The following ATP8A2 variants were observed in gnomAD, a reference collection of about 807,000 sequenced individuals.
ATP8A2 encodes the protein phospholipid-transporting ATPase IB.
In ATP8A2, 100 loss-of-function variants were observed where a neutral mutation model predicts 165.6. The observed-to-expected ratio is 0.60, with a 90% confidence interval of 0.51 to 0.71. The LOEUF (loss-of-function observed/expected upper bound fraction) is 0.71, where lower values mean the gene tolerates loss of function less well. ATP8A2 is among the 30% of genes least tolerant of loss of function. The probability of loss-of-function intolerance (pLI) is 0.00; values close to 1 mark genes in which losing one functional copy is unlikely to be tolerated. For missense variants in ATP8A2, 1,227 were observed against 1,479.5 expected (o/e 0.83, Z 2.80); for synonymous variants, 543 against 548.8 (o/e 0.99, Z 0.15).
intron 24 of ATP8A2, among the ~76,000 whole-genome samples, chr13:25,659,268 A>G (rs1347955367): frequency 2.0e-5 from 3 of 152,224 alleles, no homozygotes; most frequent in African/African-American, 7.2e-5. Context: ...TGTGCTGATT[A>G]TGATCATAGC....
At chr13:25,531,133 G>GTATATATA (rs1239495637) in intron 4 of ATP8A2, among the ~76,000 whole-genome samples, 1 of 74,726 alleles carries the variant, frequency 1.3e-5, no homozygotes, top group Non-Finnish European at 2.9e-5. Flanking sequence ...ATTTGTGTGT[G>GTATATATA]TGTGTATATA....
At chr13:25,809,156 G>A (rs1950807047) in intron 27 of ATP8A2, among the ~76,000 whole-genome samples, 1 of 152,102 alleles carries the variant, frequency 6.6e-6, no homozygotes, top group African/African-American at 2.4e-5. Flanking sequence ...CTTCAAAGAT[G>A]GGAACAACAG....
In ATP8A2 at chr13:25,372,394, C is replaced by T; in HGVS notation, c.76+106C>T. On this transcript the variant is annotated intron_variant, in intron 1 of 36. Transcript: ENST00000381655. This position sits in a 1 kb window ranked among gnomAD's most constrained non-coding sequence, Gnocchi z 4.8. Reference sequence around the variant, plus strand: ...GCCCCGCCCGCGCCCCGCTCCCCTCCCTGGGCTCCCTGGGCTCTCTGGGCT... The same window carrying T: ...GCCCCGCCCGCGCCCCGCTCCCCTCTCTGGGCTCCCTGGGCTCTCTGGGCT... 2.8e-6 allele frequency: 2 copies of T among 727,086 alleles called. No homozygotes were observed. The highest frequency in any genetic ancestry group is 3.8e-6 in the Non-Finnish European group (2 of 520,362). 45.0% of individuals were successfully genotyped at this position (727,086 alleles called of 1,614,324 possible).
intron 25 of ATP8A2, among the ~76,000 whole-genome samples, chr13:25,756,317 CT>C (rs2044260334): frequency 7.1e-6 from 1 of 140,202 alleles, no homozygotes; most frequent in African/African-American, 2.6e-5. Context: ...GATTAGGTAA[CT>C]GTTGGATTCT....
chr13:25,485,427 C>T (rs1278908434), intron 2 of ATP8A2, among the ~76,000 whole-genome samples: 6 of 152,244 alleles, frequency 3.9e-5, no homozygotes, highest in Non-Finnish European at 8.8e-5. Flanking sequence ...TCTTTTCATA[C>T]TTTTACCAAC....
intron 34 of ATP8A2, among the ~76,000 whole-genome samples, chr13:25,961,935 G>A (rs1955669764): frequency 6.6e-6 from 1 of 152,204 alleles, no homozygotes; most frequent in Non-Finnish European, 1.5e-5. Context: ...AAGGTGGGAA[G>A]ATCACTCGAG....
At chr13:25,427,363 C>T (rs2138129507) in intron 1 of ATP8A2, among the ~76,000 whole-genome samples, 1 of 152,032 alleles carries the variant, frequency 6.6e-6, no homozygotes. Flanking sequence ...TCAAGGCTCC[C>T]ACTGATTCTA....
At chr13:25,571,912 A>G in intron 18 of ATP8A2, 1 of 553,810 alleles carries the variant, frequency 1.8e-6, no homozygotes, top group Non-Finnish European at 3.3e-6. Flanking sequence ...CATGTCTTTC[A>G]TACACTGATG....
intron 2 of ATP8A2, among the ~76,000 whole-genome samples, chr13:25,510,943 A>G (rs1166196576): frequency 6.6e-6 from 1 of 152,206 alleles, no homozygotes; most frequent in African/African-American, 2.4e-5. Context: ...GAAAATCAAT[A>G]ATCTCCTGCC....
At chr13:25,720,583 C>T (rs970079742) in intron 25 of ATP8A2, among the ~76,000 whole-genome samples, 1 of 152,168 alleles carries the variant, frequency 6.6e-6, no homozygotes, top group Non-Finnish European at 1.5e-5. Context: ...CTCAGGTCGT[C>T]CACTCATCTC....
chr13:25,839,649 T>C, intron 30 of ATP8A2, 25 bp downstream of exon 30: 1 of 1,598,574 alleles, frequency 6.3e-7, no homozygotes, highest in South Asian at 1.1e-5. Context: ...ATTTCACCTG[T>C]CAGCAAGGAG....
chr13:25,564,213 T>A (rs555236843), intron 16 of ATP8A2, among the ~76,000 whole-genome samples, 182 bp downstream of exon 16: 1 of 152,204 alleles, frequency 6.6e-6, no homozygotes, highest in East Asian at 1.9e-4. Context: ...TATGCATAAA[T>A]TAGTGTATTT....
chr13:25,496,756 C>T (rs1420964719), intron 2 of ATP8A2, among the ~76,000 whole-genome samples: 1 of 152,128 alleles, frequency 6.6e-6, no homozygotes, highest in African/African-American at 2.4e-5. Context: ...AATTTGTTCT[C>T]TTAGAGAGGC....
At chr13:25,384,493 C>T (rs370254769) in intron 1 of ATP8A2, among the ~76,000 whole-genome samples, 9 of 152,270 alleles carry the variant, frequency 5.9e-5, no homozygotes, top group Non-Finnish European at 8.8e-5. Flanking sequence ...TCTTAATTTT[C>T]CTTAAATCTC....
intron 33 of ATP8A2, chr13:25,880,885 T>C (rs1161923101): frequency 4.4e-6 from 2 of 455,756 alleles, no homozygotes; most frequent in Non-Finnish European, 4.4e-6. Context: ...ATATGTTTCA[T>C]GATAAATTCA....
intron 1 of ATP8A2, among the ~76,000 whole-genome samples, chr13:25,418,714 C>T (rs753344455): frequency 1.3e-5 from 2 of 152,108 alleles, no homozygotes; most frequent in African/African-American, 2.4e-5. Flanking sequence ...GATTTTGTAT[C>T]GCCTTCCGAG....
rs1952737355 is a variant in ATP8A2 at position 25,873,566 on chromosome 13, C to CT, written c.3183+11163dup. Among the ~76,000 whole-genome samples, 4 of 151,768 alleles carry CT rather than the reference C, an allele frequency of 2.6e-5. No homozygotes were observed. In the South Asian group the frequency reaches 8.3e-4, roughly 32 times the overall value. On this transcript the variant is annotated intron_variant, in intron 33 of 36. Transcript: ENST00000381655. ...TGTGGGAACCTCTCACCTTTGTGTCCTTTTTGAGTTTCAGTCCTCTCCCCT... is the reference window on the plus strand; with the variant it reads ...TGTGGGAACCTCTCACCTTTGTGTCCTTTTTTGAGTTTCAGTCCTCTCCCCT...
chr13:25,740,880 G>A (rs991285496), intron 25 of ATP8A2, among the ~76,000 whole-genome samples: 1 of 152,078 alleles, frequency 6.6e-6, no homozygotes. Flanking sequence ...GACCTTTAGC[G>A]TGTTATCTCA....
At chr13:25,734,111 A>G (rs1034360075) in intron 25 of ATP8A2, among the ~76,000 whole-genome samples, 25 of 152,310 alleles carry the variant, frequency 1.6e-4, no homozygotes, top group African/African-American at 5.5e-4. Context: ...TATGCACACC[A>G]CATAGTGCCC....
Sources: allele counts gnomAD v4.1 joint callset (sites outside exome capture counted in the v4.1 genomes callset), GRCh38; gene constraint gnomAD v4.1.1; non-coding constraint Gnocchi (gnomAD v3.1); transcripts MANE v1.5; gene names NCBI Gene and HGNC (gene_info 2026-07-23, HGNC 2026-07-21).